RCN3: variants seen among roughly 807,000 people sequenced by gnomAD.
The protein encoded by RCN3 is reticulocalbin 3, also known as reticulocalbin-3.
RCN3 carries 41 observed loss-of-function variants against 35.9 expected under a neutral mutation model. That is an observed-to-expected ratio of 1.14 (90% confidence interval 0.89 to 1.48). The LOEUF (loss-of-function observed/expected upper bound fraction) is 1.48, where lower values mean the gene tolerates loss of function less well. Among genes scored for constraint, RCN3 ranks in the 40% most tolerant of loss-of-function variants. The pLI, the probability that RCN3 is intolerant of heterozygous loss-of-function variation, is 0.00. For synonymous variants in RCN3, 187 were observed against 193.4 expected, an observed-to-expected ratio of 0.97 and a Z score of 0.27; for missense variants, 451 against 471.3, an observed-to-expected ratio of 0.96 and a Z score of 0.40.
intron 2 of RCN3, among the ~76,000 whole-genome samples, chr19:49,533,574 C>CG (rs2080119126): frequency 6.6e-6 from 1 of 152,020 alleles, no homozygotes; most frequent in South Asian, 2.1e-4. Context: ...ACTGAGCCCC[C>CG]GGGGTTGCGG....
At position 49,542,625 on chromosome 19, in the gene RCN3, A is replaced by G. The variant is rs767971433; in HGVS notation, c.752A>G (p.Asp251Gly). ...CAGACGGAGAGGCAGCAGTTCCGGG[A>G]CTTCCGGGATCTGAACAAGGATGGG... ...WVQTERQQFR[D>G]FRDLNKDGHL... is the part of the protein sequence containing the mutation. The change falls in exon 6 of 7, where the codon GAC becomes GGC. Residue 251 changes from aspartate (D) to glycine (G), a missense_variant. Asp to Gly is a moderately conservative substitution (Grantham distance 94). Transcript: ENST00000270645. The G allele has an allele frequency of 6.2e-7, 1 of 1,607,752 alleles. No homozygotes were observed. The highest frequency in any genetic ancestry group is 1.7e-5 in the Admixed American group (1 of 58,664).
chr19:49,534,146 C>A lies in RCN3; in HGVS notation c.243-47C>A, dbSNP rs759613393. On this transcript the variant is annotated intron_variant, in intron 2 of 6. Transcript: ENST00000270645. ...GGCGTGGCCCGTGCGAGGGGCGGGGCCTGGGGGCGGGACCAGAGCCTGACG... is the reference window on the plus strand; with the variant it reads ...GGCGTGGCCCGTGCGAGGGGCGGGGACTGGGGGCGGGACCAGAGCCTGACG... 3.7e-5 allele frequency: 53 copies of A among 1,437,798 alleles called. 1 individual carries two copies. The East Asian group carries it at 1.3e-3, about 35-fold the overall frequency. The allele number at this position is 1,437,798 out of a possible 1,614,324, so 89.1% of individuals were successfully genotyped here. A position where few individuals can be genotyped will look rare whatever the true frequency, so the allele number is the denominator to read the frequency against.
At position 49,542,698 on chromosome 19, in the gene RCN3, G is replaced by C; in HGVS notation, c.825G>C (p.Gln275His). ...EVGHWVLPPA[Q>H]DQPLVEANHL... ...GCCACTGGGTGCTGCCCCCTGCCCA[G>C]GACCAGCCCCTGGTGGAAGCCAACC... Residue 275 changes from glutamine (Q) to histidine (H), a missense_variant, in exon 6 of 7, where the codon CAG becomes CAC. Transcript: ENST00000270645. The C allele has an allele frequency of 6.3e-7, 1 of 1,597,154 alleles. No individual in the cohort carries two copies. The highest frequency in any genetic ancestry group is 8.5e-7 in the Non-Finnish European group (1 of 1,173,422).
chr19:49,529,591 C>T (rs2080098447), intron 2 of RCN3, among the ~76,000 whole-genome samples: 2 of 152,198 alleles, frequency 1.3e-5, no homozygotes, highest in African/African-American at 4.8e-5. Flanking sequence ...CACATCTGTC[C>T]TCCTGAAGTT....
At position 49,542,592 on chromosome 19, in the gene RCN3, C is replaced by A; in HGVS notation, c.719C>A (p.Ala240Glu). The change falls in exon 6 of 7, where the codon GCG (alanine) becomes GAG (glutamate). Residue 240 changes from alanine (A) to glutamate (E), a missense_variant. Ala to Glu is a moderately radical substitution (Grantham distance 107). Transcript: ENST00000270645. ...GCCGAGCCTGGGGAGGAGGAGCCGG[C>A]GTGGGTGCAGACGGAGAGGCAGCAG... ...YSAEPGEEEP[A>E]WVQTERQQFR... 6.2e-7 allele frequency: 1 copy of A among 1,608,494 alleles called. No individual in the cohort carries two copies.
rs370541920 is a variant in RCN3 at position 49,537,329 on chromosome 19, G to A, written c.618+124G>A. On this transcript the variant is annotated intron_variant, in intron 4 of 6. Coordinates refer to ENST00000270645, the MANE Select transcript of RCN3 (RefSeq NM_020650.3). ...TCACCTGGTTCTCCAGCATCTTGCC[G>A]GGGAAGCCAGGCCGCAAACACAGGT... The A allele has an allele frequency of 4.4e-4, 431 of 979,956 alleles. No individual in the cohort carries two copies. In the African/African-American group the frequency reaches 6.3e-3, roughly 14 times the overall value. The allele number at this position is 979,956 out of a possible 1,614,324, so 60.7% of individuals were successfully genotyped here. A position where few individuals can be genotyped will look rare whatever the true frequency, so the allele number is the denominator to read the frequency against.
In RCN3 at chr19:49,543,180, C is replaced by A. The variant is rs1129459; in HGVS notation, c.954C>A (p.Gly318=). ...MFVGSQATNY[G]EDLTRHHDEL The stretch of plus-strand genomic sequence containing the variant: ...TGGGCAGTCAGGCCACCAACTATGG[C>A]GAGGACCTGACCCGGCACCACGATG... Residue 318 remains glycine (G), a synonymous_variant, in exon 7 of 7, where the codon GGC becomes GGA. Coordinates refer to ENST00000270645, the MANE Select transcript of RCN3 (RefSeq NM_020650.3). The A allele has an allele frequency of 1.2e-6, 2 of 1,613,698 alleles. No individual in the cohort carries two copies. The highest frequency in any genetic ancestry group is 2.2e-5 in the South Asian group (2 of 91,062).
intron 3 of RCN3, among the ~76,000 whole-genome samples, chr19:49,535,869 T>TAGATAGATAGATAG (rs537369006): frequency 6.9e-6 from 1 of 145,070 alleles, no homozygotes; most frequent in African/African-American, 2.6e-5. Context: ...AAAATATATA[T>TAGATAGATAGATAG]ATATATAGAT....
At position 49,543,268 on chromosome 19, in the gene RCN3, C is replaced by T. The variant is rs1465296255; in HGVS notation, c.*55C>T. On this transcript the variant is annotated 3_prime_UTR_variant, in exon 7 of 7. Transcript: ENST00000270645. The stretch of plus-strand genomic sequence containing the variant: ...CCCGCACAATGACCGGAGGAGGGGC[C>T]GCTGTGGTCTGGCCCCCTCCCTGTC... 4.9e-6 allele frequency: 7 copies of T among 1,426,910 alleles called. No individual in the cohort carries two copies. The highest frequency in any genetic ancestry group is 2.8e-5 in the African/African-American group (2 of 70,670). 88.4% of individuals were successfully genotyped at this position (1,426,910 alleles called of 1,614,324 possible).
At chr19:49,531,233 C>T (rs1230207209) in intron 2 of RCN3, among the ~76,000 whole-genome samples, 1 of 152,160 alleles carries the variant, frequency 6.6e-6, no homozygotes, top group East Asian at 1.9e-4. Context: ...GAGGGAGGAT[C>T]ACTTGGGCCT....
At chr19:49,536,030 A>T (rs927088525) in intron 3 of RCN3, among the ~76,000 whole-genome samples, 1 of 147,904 alleles carries the variant, frequency 6.8e-6, no homozygotes, top group Non-Finnish European at 1.5e-5. Context: ...CTTGTTGCCC[A>T]GGCTGGAGTG....
intron 5 of RCN3, among the ~76,000 whole-genome samples, chr19:49,539,869 C>A (rs2080155225): frequency 6.6e-6 from 1 of 151,830 alleles, no homozygotes; most frequent in African/African-American, 2.4e-5. Context: ...ATTACTGGTG[C>A]CTGCCACCAC....
chr19:49,542,114 G>A (rs1422844127), intron 5 of RCN3, among the ~76,000 whole-genome samples: 1 of 151,892 alleles, frequency 6.6e-6, no homozygotes, highest in Non-Finnish European at 1.5e-5. Context: ...GCCCAGGTTG[G>A]TCTTGAATCT....
chr19:49,533,696 C>T (rs1416278765), intron 2 of RCN3, among the ~76,000 whole-genome samples: 2 of 148,414 alleles, frequency 1.3e-5, no homozygotes, highest in Non-Finnish European at 3.0e-5. Flanking sequence ...ACACGCGCAG[C>T]CTGGTAAGGG....
chr19:49,541,070 A>C (rs1159225132), intron 5 of RCN3, among the ~76,000 whole-genome samples: 1 of 151,836 alleles, frequency 6.6e-6, no homozygotes, highest in East Asian at 1.9e-4. Context: ...AGGTGGGATT[A>C]TGGGCGTGCA....
At chr19:49,542,829 G>C (rs2080169919) in intron 6 of RCN3, 77 bp downstream of exon 6, 1 of 1,362,400 alleles carries the variant, frequency 7.3e-7, no homozygotes, top group Non-Finnish European at 1.0e-6. Flanking sequence ...AGCAAGACCT[G>C]GGCCTGGAGC....
intron 3 of RCN3, among the ~76,000 whole-genome samples, chr19:49,536,527 C>G (rs2080136262): frequency 6.6e-6 from 1 of 151,262 alleles, no homozygotes; most frequent in Admixed American, 6.6e-5. Context: ...TCTCGAACTC[C>G]TGACCTCAGG....
At chr19:49,532,445 G>A (rs892435734) in intron 2 of RCN3, among the ~76,000 whole-genome samples, 1 of 151,340 alleles carries the variant, frequency 6.6e-6, no homozygotes, top group Non-Finnish European at 1.5e-5. Flanking sequence ...GCACGATCTC[G>A]GCTCACTGCA....
chr19:49,533,042 G>GT (rs1233377280), intron 2 of RCN3, among the ~76,000 whole-genome samples: 2 of 152,110 alleles, frequency 1.3e-5, no homozygotes, highest in African/African-American at 2.4e-5. Flanking sequence ...GGTAGGTACC[G>GT]TTTTTTCTTC....
Sources: allele counts gnomAD v4.1 joint callset (sites outside exome capture counted in the v4.1 genomes callset), GRCh38; gene constraint gnomAD v4.1.1; transcripts MANE v1.5; gene names NCBI Gene and HGNC (gene_info 2026-07-23, HGNC 2026-07-21).